The following ACSF3 variants were observed in gnomAD, a reference collection of about 807,000 sequenced individuals.
ACSF3 encodes malonate--CoA ligase ACSF3, mitochondrial.
ACSF3 carries 78 observed loss-of-function variants against 53.2 expected under a neutral mutation model. The observed-to-expected ratio is 1.47, with a 90% CI of 1.22 to 1.77. The LOEUF is 1.77. Among genes scored for constraint, ACSF3 ranks in the 40% most tolerant of loss-of-function variants. The pLI is 0.00. For synonymous variants in ACSF3, 414 were observed against 333.1 expected (o/e 1.24, Z -2.65); for missense variants, 937 against 771.1 (o/e 1.22, Z -2.55).
chr16:89,118,531 C>T (rs1439576083), intron 6 of ACSF3, among the ~76,000 whole-genome samples: 1 of 150,188 alleles, frequency 6.7e-6, no homozygotes, highest in Non-Finnish European at 1.5e-5. Flanking sequence ...CATGCTTGGC[C>T]TCGCTGCTCA....
intron 8 of ACSF3, among the ~76,000 whole-genome samples, chr16:89,134,080 G>T (rs1387844865): frequency 6.6e-6 from 1 of 152,240 alleles, no homozygotes; most frequent in South Asian, 2.1e-4. Context: ...GGACGTATAT[G>T]GATGGACATT....
rs575886300 is a variant in ACSF3, at chr16:89,125,374, A to G, written c.1239+4461A>G. Among the ~76,000 whole-genome samples, 142 of 148,816 alleles carry G rather than the reference A, an allele frequency of 9.5e-4. 2 individuals are homozygous for G. The highest frequency in any genetic ancestry group is 3.4e-3 in the African/African-American group (136 of 40,318). ...AAAAAAAAAAAGAATTAGCTTGTCT[A>G]TATCTACAAAAAGTTCTTTTGAGGT... is the stretch of plus-strand genomic sequence containing the variant. On this transcript the variant is annotated intron_variant, in intron 7 of 10. Coordinates refer to ENST00000614302, the MANE Select transcript of ACSF3 (RefSeq NM_001243279.3).
intron 5 of ACSF3, among the ~76,000 whole-genome samples, chr16:89,112,829 C>T (rs1158271326): frequency 2.0e-5 from 3 of 152,248 alleles, no homozygotes; most frequent in African/African-American, 4.8e-5. Context: ...ACATGTCCCA[C>T]GGCGCCTGCC....
chr16:89,116,186 T>G (rs1905086086), intron 6 of ACSF3, among the ~76,000 whole-genome samples: 1 of 152,338 alleles, frequency 6.6e-6, no homozygotes, highest in South Asian at 2.1e-4. Flanking sequence ...TTAGCACTGT[T>G]CGTTGAAAAG....
At chr16:89,137,642 GGGGAAGGAC>G (rs1910888881) in intron 8 of ACSF3, among the ~76,000 whole-genome samples, 1 of 149,688 alleles carries the variant, frequency 6.7e-6, no homozygotes, top group Non-Finnish European at 1.5e-5. Context: ...AGGAGCTCAC[GGGGAAGGAC>G]TGAGGGGAAG....
chr16:89,101,288 A>G lies in ACSF3; in HGVS notation c.607A>G (p.Ser203Gly). The change falls in exon 3 of 11, where the codon AGT becomes GGT. Residue 203 changes from serine to glycine, a missense_variant. By Grantham distance (56) the Ser-to-Gly change is moderately conservative (BLOSUM62 0). Transcript: ENST00000614302. The stretch of plus-strand genomic sequence containing the variant: ...CAAGGGCGCCATGATCATCTACACC[A>G]GTGGGACCACGGGGAGGCCCAAGGG... ...RNKGAMIIYT[S>G]GTTGRPKGVL... The G allele has an allele frequency of 6.2e-7, 1 of 1,603,342 alleles. No individual in the cohort carries two copies. Among genetic ancestry groups the G allele is most frequent in the Non-Finnish European group, 8.5e-7 (1 of 1,175,486 alleles).
At chr16:89,133,404 G>T in intron 8 of ACSF3, 142 bp downstream of exon 8, 1 of 1,190,282 alleles carries the variant, frequency 8.4e-7, no homozygotes, top group Non-Finnish European at 1.2e-6. Context: ...TGGGGCTGGG[G>T]GCCACTGTTA....
chr16:89,142,435 A>G (rs1338064039), intron 8 of ACSF3, among the ~76,000 whole-genome samples: 1 of 152,164 alleles, frequency 6.6e-6, no homozygotes, highest in African/African-American at 2.4e-5. Flanking sequence ...TCTCAGCACC[A>G]GGGCTTCGAC....
In ACSF3 at chr16:89,120,789, C is replaced by G. The variant is rs377318017; in HGVS notation, c.1127-12C>G. Reference sequence around the variant, plus strand: ...CTCCAGCCTCCCCTTCAGTGTTTCTCCTCTCCTGTAGGTTCCGTGGGGACC... The same window carrying G: ...CTCCAGCCTCCCCTTCAGTGTTTCTGCTCTCCTGTAGGTTCCGTGGGGACC... On this transcript the variant is annotated splice_polypyrimidine_tract_variant and intron_variant, in intron 6 of 10. Transcript: ENST00000614302. The G allele has an allele frequency of 5.0e-6, 8 of 1,612,720 alleles. No homozygotes were observed. In the South Asian group the frequency reaches 6.6e-5, roughly 13 times the overall value.
In ACSF3 at chr16:89,142,486, T is replaced by TCTGCAGAGACACAGCCACGC. The variant is rs1338086436; in HGVS notation, c.1367-2769_1367-2750dup. Among the ~76,000 whole-genome samples, 234 of 150,924 alleles carry TCTGCAGAGACACAGCCACGC rather than the reference T, an allele frequency of 1.6e-3. 3 individuals carry two copies. The highest frequency in any genetic ancestry group is 5.4e-3 in the African/African-American group (220 of 40,952). Reference sequence around the variant, plus strand: ...CCCACACCTGCTGAGATATAACACATCTGCAGAGACACAGCCACGCCTGCA... The same window carrying TCTGCAGAGACACAGCCACGC: ...CCCACACCTGCTGAGATATAACACATCTGCAGAGACACAGCCACGCCTGCAGAGACACAGCCACGCCTGCA... On this transcript the variant is annotated intron_variant, in intron 8 of 10. Transcript: ENST00000614302.
intron 1 of ACSF3, among the ~76,000 whole-genome samples, chr16:89,097,182 G>A (rs935121913): frequency 2.6e-5 from 4 of 152,090 alleles, no homozygotes; most frequent in Non-Finnish European, 5.9e-5. Flanking sequence ...TGTGCTCAGC[G>A]TGTGGTTACC....
At chr16:89,126,481 C>T (rs1350446902) in intron 7 of ACSF3, among the ~76,000 whole-genome samples, 2 of 152,192 alleles carry the variant, frequency 1.3e-5, no homozygotes, top group African/African-American at 4.8e-5. Context: ...GTTGGCCAGG[C>T]TGGTCTCAAA....
chr16:89,121,187 C>T (rs550790883), intron 7 of ACSF3, among the ~76,000 whole-genome samples: 1 of 152,388 alleles, frequency 6.6e-6, no homozygotes, highest in South Asian at 2.1e-4. Context: ...CACACAGCTC[C>T]TCCCAGGGGC....
chr16:89,104,170 G>A (rs1214211109), intron 4 of ACSF3, among the ~76,000 whole-genome samples: 1 of 152,242 alleles, frequency 6.6e-6, no homozygotes, highest in Non-Finnish European at 1.5e-5. Flanking sequence ...GAGCCCTCCG[G>A]TGAGGCCATG....
chr16:89,146,774 G>C (rs529694992), intron 10 of ACSF3, among the ~76,000 whole-genome samples: 15 of 152,038 alleles, frequency 9.9e-5, no homozygotes, highest in African/African-American at 1.7e-4. Flanking sequence ...TCTCCCACCT[G>C]TCTCACCCCC....
chr16:89,132,065 C>G (rs889838304), intron 7 of ACSF3, among the ~76,000 whole-genome samples: 1 of 152,272 alleles, frequency 6.6e-6, no homozygotes, highest in Non-Finnish European at 1.5e-5. Flanking sequence ...GGCAGCAGGA[C>G]GACACACTCG....
chr16:89,125,905 C>T lies in ACSF3; in HGVS notation c.1239+4992C>T, dbSNP rs554930927. ...GTGTGTCTCTCCGTTTACTTAGATC[C>T]GTGAACCTGGTGTGTCTCTCCATTT... On this transcript the variant is annotated intron_variant, in intron 7 of 10. Transcript: ENST00000614302. Among the ~76,000 whole-genome samples the T allele has an allele frequency of 4.1e-4, 63 of 151,944 alleles. 2 individuals are homozygous for T. The highest frequency in any genetic ancestry group is 1.5e-3 in the Admixed American group (23 of 15,286).
intron 1 of ACSF3, among the ~76,000 whole-genome samples, chr16:89,097,729 G>C (rs1371254767): frequency 6.6e-6 from 1 of 151,804 alleles, no homozygotes; most frequent in Non-Finnish European, 1.5e-5. Flanking sequence ...CAGAGTCCAG[G>C]TGTGTGGGCG....
chr16:89,148,662 C>G (rs1171402131), intron 10 of ACSF3: 10 of 152,264 alleles, frequency 6.6e-5, no homozygotes, highest in African/African-American at 1.9e-4. Flanking sequence ...AGCCAGGGCC[C>G]CACTGGGGAC....
Sources: allele counts gnomAD v4.1 joint callset (sites outside exome capture counted in the v4.1 genomes callset), GRCh38; gene constraint gnomAD v4.1.1; transcripts MANE v1.5; gene names NCBI Gene and HGNC (gene_info 2026-07-23, HGNC 2026-07-21).